The following FBXL7 variants were observed in gnomAD, a reference collection of about 807,000 sequenced individuals.
FBXL7 encodes F-box/LRR-repeat protein 7.
In FBXL7, 12 loss-of-function variants were observed where a neutral mutation model predicts 38.3. The ratio of observed to expected loss-of-function variants is 0.31; its 90% CI spans 0.20 to 0.51. The LOEUF (loss-of-function observed/expected upper bound fraction) is 0.51, where lower values mean the gene tolerates loss of function less well. FBXL7 is among the 20% of genes least tolerant of loss of function. The probability of loss-of-function intolerance (pLI) is 0.98; values close to 1 mark genes in which losing one functional copy is unlikely to be tolerated. For missense variants in FBXL7, 567 were observed against 676.4 expected (o/e 0.84, Z 1.79); for synonymous variants, 297 against 300.9 (o/e 0.99, Z 0.13).
intron 3 of FBXL7, among the ~76,000 whole-genome samples, chr5:15,929,886 G>T (rs1446076816): frequency 6.6e-6 from 1 of 152,062 alleles, no homozygotes; most frequent in Non-Finnish European, 1.5e-5. Flanking sequence ...TGGGGGAGGG[G>T]TCAAGAAGTA....
intron 1 of FBXL7, among the ~76,000 whole-genome samples, chr5:15,512,954 T>A (rs1391388200): frequency 1.3e-5 from 2 of 152,230 alleles, no homozygotes; most frequent in Non-Finnish European, 2.9e-5. Context: ...TTCTCTGTGT[T>A]AAAGAGTCTT....
At chr5:15,719,425 T>TA (rs1721836088) in intron 2 of FBXL7, among the ~76,000 whole-genome samples, 1 of 123,552 alleles carries the variant, frequency 8.1e-6, no homozygotes, top group African/African-American at 2.8e-5. Context: ...ACAAACAAGA[T>TA]ATCCTATAAG....
intron 2 of FBXL7, among the ~76,000 whole-genome samples, chr5:15,719,313 T>C (rs1037740626): frequency 2.0e-5 from 3 of 152,220 alleles, no homozygotes. Flanking sequence ...TTCCTTTTTC[T>C]TTCACTGACA....
chr5:15,737,738 C>T (rs902088436), intron 2 of FBXL7, among the ~76,000 whole-genome samples: 4 of 152,214 alleles, frequency 2.6e-5, no homozygotes, highest in East Asian at 1.9e-4. Flanking sequence ...GAGCAGAGTT[C>T]GAGAGGACAA....
intron 2 of FBXL7, among the ~76,000 whole-genome samples, chr5:15,840,549 A>G (rs1157234252): frequency 2.0e-5 from 3 of 152,190 alleles, no homozygotes; most frequent in Admixed American, 6.5e-5. Flanking sequence ...TATGATAAAT[A>G]TTGCTATTTA....
At chr5:15,686,901 C>T (rs769295232) in intron 2 of FBXL7, among the ~76,000 whole-genome samples, 5 of 152,166 alleles carry the variant, frequency 3.3e-5, no homozygotes, top group Admixed American at 2.0e-4. Flanking sequence ...GATTGTCAAA[C>T]GCCTGGCCGA....
At chr5:15,658,008 G>A (rs903949635) in intron 2 of FBXL7, among the ~76,000 whole-genome samples, 2 of 152,076 alleles carry the variant, frequency 1.3e-5, no homozygotes, top group African/African-American at 2.4e-5. Flanking sequence ...AGATTAAGAT[G>A]TACCTTGTAA....
In FBXL7 at chr5:15,874,584, T is replaced by C. The variant is rs534734433; in HGVS notation, c.128-53306T>C. ...TTCAGCTAAGTCTCAGGATACAAAA[T>C]CAATGTGCAAAAATCACAACCATTC... On this transcript the variant is annotated intron_variant, in intron 2 of 3. Transcript: ENST00000504595. 1.1e-4 allele frequency among the ~76,000 whole-genome samples: 17 copies of C among 152,272 alleles called. No individual in the cohort carries two copies. The East Asian group carries it at 2.9e-3, about 26-fold the overall frequency.
At chr5:15,855,132 G>A (rs979927226) in intron 2 of FBXL7, among the ~76,000 whole-genome samples, 1 of 152,060 alleles carries the variant, frequency 6.6e-6, no homozygotes, top group Non-Finnish European at 1.5e-5. Context: ...GAAAATTAAA[G>A]TAAAATCATT....
At chr5:15,703,330 T>A (rs751772409) in intron 2 of FBXL7, among the ~76,000 whole-genome samples, 12 of 152,234 alleles carry the variant, frequency 7.9e-5, no homozygotes, top group Non-Finnish European at 1.2e-4. Context: ...GTTACATGTT[T>A]CACCTCCAAC....
chr5:15,570,411 G>A (rs929522542), intron 1 of FBXL7, among the ~76,000 whole-genome samples: 2 of 152,178 alleles, frequency 1.3e-5, no homozygotes, highest in Admixed American at 6.5e-5. Flanking sequence ...ATCGTAGTTT[G>A]TATTTCTGTG....
chr5:15,670,806 A>T (rs913002188), intron 2 of FBXL7, among the ~76,000 whole-genome samples: 1 of 148,820 alleles, frequency 6.7e-6, no homozygotes, highest in Non-Finnish European at 1.5e-5. Context: ...CACTCAAAAA[A>T]AATAAAAATA....
chr5:15,527,657 T>A (rs1482385575), intron 1 of FBXL7, among the ~76,000 whole-genome samples: 1 of 152,210 alleles, frequency 6.6e-6, no homozygotes, highest in Non-Finnish European at 1.5e-5. Flanking sequence ...CCAGTAATAA[T>A]CACTGTCAAC....
chr5:15,567,944 GCA>G (rs1580375551), intron 1 of FBXL7, among the ~76,000 whole-genome samples: 4 of 150,796 alleles, frequency 2.7e-5, no homozygotes, highest in Admixed American at 6.6e-5. Flanking sequence ...TTTTATGGCT[GCA>G]TAGTATTCCA....
At chr5:15,625,451 G>A (rs1320754710) in intron 2 of FBXL7, among the ~76,000 whole-genome samples, 1 of 152,134 alleles carries the variant, frequency 6.6e-6, no homozygotes, top group Admixed American at 6.5e-5. Context: ...TCAGGAGTTT[G>A]AGACCAGTTT....
At chr5:15,731,983 A>C (rs921585901) in intron 2 of FBXL7, among the ~76,000 whole-genome samples, 2 of 152,178 alleles carry the variant, frequency 1.3e-5, no homozygotes, top group Admixed American at 1.3e-4. Flanking sequence ...TGCGTATCCA[A>C]ATGCAGTGAA....
At chr5:15,622,688 A>G (rs1371276651) in intron 2 of FBXL7, among the ~76,000 whole-genome samples, 1 of 152,076 alleles carries the variant, frequency 6.6e-6, no homozygotes, top group Non-Finnish European at 1.5e-5. Flanking sequence ...AGCACAGAGA[A>G]ATGAAGGGAT....
At chr5:15,814,862 C>T (rs1466580768) in intron 2 of FBXL7, among the ~76,000 whole-genome samples, 5 of 152,148 alleles carry the variant, frequency 3.3e-5, no homozygotes, top group Non-Finnish European at 7.4e-5. Context: ...TTTCTTGGAA[C>T]ACCGGCTGGG....
intron 2 of FBXL7, among the ~76,000 whole-genome samples, chr5:15,725,087 T>C (rs1226256362): frequency 6.6e-6 from 1 of 152,220 alleles, no homozygotes; most frequent in African/African-American, 2.4e-5. Context: ...CTGTGTCCTC[T>C]TGGGTAAGAT....
Sources: gnomAD v4.1 joint callset for allele counts (sites outside exome capture counted in the v4.1 genomes callset) on GRCh38, gnomAD v4.1.1 for gene constraint, MANE v1.5 for transcripts, NCBI Gene and HGNC (gene_info 2026-07-23, HGNC 2026-07-21) for gene names.